Variants in HHIPL2 observed in about 807,000 individuals in gnomAD.
HHIPL2 encodes HHIP like 2.
Under a neutral mutation model 61.0 loss-of-function variants are expected in HHIPL2, and 61 were observed. The ratio of observed to expected loss-of-function variants is 1.00; its 90% CI spans 0.81 to 1.24. The LOEUF is 1.24. Ranked by LOEUF, HHIPL2 falls within the 50% of genes most tolerant of loss-of-function variation. The pLI is 0.00. For missense variants in HHIPL2, 885 were observed against 910.2 expected (o/e 0.97, Z 0.36); for synonymous variants, 343 against 357.4 (o/e 0.96, Z 0.45).
intron 5 of HHIPL2, among the ~76,000 whole-genome samples, chr1:222,537,409 G>A (rs528199763): frequency 3.3e-5 from 5 of 150,480 alleles, no homozygotes; most frequent in East Asian, 3.9e-4. Flanking sequence ...TGAGATTAAC[G>A]TAGAGCAATA....
At chr1:222,526,509 C>T (rs929428014) in intron 7 of HHIPL2, among the ~76,000 whole-genome samples, 1 of 151,848 alleles carries the variant, frequency 6.6e-6, no homozygotes, top group Admixed American at 6.6e-5. Flanking sequence ...AGTTCAAGAC[C>T]AGCCTGACCA....
intron 3 of HHIPL2, among the ~76,000 whole-genome samples, chr1:222,540,986 C>T (rs917727462): frequency 2.5e-4 from 38 of 152,132 alleles, no homozygotes; most frequent in African/African-American, 8.9e-4. Flanking sequence ...CCTGTAATCC[C>T]ACATTTTGGG....
rs1658974367 is a variant in HHIPL2, at chr1:222,522,533, A to C, written c.*68T>G. 1.3e-6 allele frequency: 2 copies of C among 1,524,764 alleles called. No individual in the cohort carries two copies. Among genetic ancestry groups the C allele is most frequent in the Admixed American group, 3.6e-5 (2 of 55,410 alleles). The allele number at this position is 1,524,764 out of a possible 1,614,324, so 94.5% of individuals were successfully genotyped here. On this transcript the variant is annotated 3_prime_UTR_variant, in exon 9 of 9. Coordinates refer to ENST00000343410, the MANE Select transcript of HHIPL2 (RefSeq NM_024746.4). ...CAGACTTCTAAGGTCTTTATTCAGCAGTGACTTTCATTTGATGAGGTGGCT... is the reference window on the plus strand; with the variant it reads ...CAGACTTCTAAGGTCTTTATTCAGCCGTGACTTTCATTTGATGAGGTGGCT...
chr1:222,525,541 C>A lies in HHIPL2; in HGVS notation c.1805+1428G>T, dbSNP rs117847463. On this transcript the variant is annotated intron_variant, in intron 7 of 8. Coordinates refer to ENST00000343410, the MANE Select transcript of HHIPL2 (RefSeq NM_024746.4). ...ACAAGCTCAGATAGAGCTGGCCCCCCCAAGCCCTAACCAGTGGCTGGACCT... is the reference window on the plus strand; with the variant it reads ...ACAAGCTCAGATAGAGCTGGCCCCCACAAGCCCTAACCAGTGGCTGGACCT... Among the ~76,000 whole-genome samples, 952 of 152,296 alleles carry A rather than the reference C, an allele frequency of 6.3e-3. 22 individuals are homozygous for A. The East Asian group carries it at 0.089, about 14-fold the overall frequency.
Position 222,548,009 on chromosome 1 carries a change from A to AC in HHIPL2, c.35dup (p.Leu13SerfsTer47). On this transcript the variant is annotated frameshift_variant, in exon 1 of 9. Coordinates refer to ENST00000343410, the MANE Select transcript of HHIPL2 (RefSeq NM_024746.4). LOFTEE classifies it high-confidence loss of function. ...AGAGCCAGGGGGCCCGGCAATGCAG[A>AC]CCACCACACAGATTAGGAGTGGACG... 5.0e-6 allele frequency: 8 copies of AC among 1,596,936 alleles called. No homozygotes were observed. The highest frequency in any genetic ancestry group is 6.8e-6 in the Non-Finnish European group (8 of 1,170,538).
At chr1:222,532,758 T>C (rs981007597) in intron 5 of HHIPL2, among the ~76,000 whole-genome samples, 1 of 152,170 alleles carries the variant, frequency 6.6e-6, no homozygotes, top group Non-Finnish European at 1.5e-5. Flanking sequence ...TGGGGAGTGA[T>C]AACATACTTT....
intron 1 of HHIPL2, 61 bp downstream of exon 1, chr1:222,547,662 CA>C: frequency 1.4e-6 from 2 of 1,441,930 alleles, no homozygotes; most frequent in South Asian, 2.5e-5. Flanking sequence ...ACCCTCCGCT[CA>C]GGACCCACAC....
intron 2 of HHIPL2, among the ~76,000 whole-genome samples, chr1:222,542,501 C>T (rs377368552): frequency 1.1e-3 from 153 of 144,674 alleles, no homozygotes; most frequent in African/African-American, 3.8e-3. Context: ...TCCCGAGTAG[C>T]TGGGATTACC....
At chr1:222,537,076 C>A (rs1452064001) in intron 5 of HHIPL2, among the ~76,000 whole-genome samples, 1 of 151,906 alleles carries the variant, frequency 6.6e-6, no homozygotes, top group Non-Finnish European at 1.5e-5. Flanking sequence ...GCATTATGAC[C>A]AAGTGGTATT....
chr1:222,547,944 C>A lies in HHIPL2; in HGVS notation c.101G>T (p.Gly34Val), dbSNP rs1325591733. 6.2e-7 allele frequency: 1 copy of A among 1,612,728 alleles called. No homozygotes were observed. The highest frequency in any genetic ancestry group is 1.3e-5 in the African/African-American group (1 of 74,864). The change falls in exon 1 of 9, where the codon GGC (glycine) becomes GTC (valine). Residue 34 changes from glycine to valine, a missense_variant. Gly to Val is a moderately radical substitution (Grantham distance 109). Transcript: ENST00000343410. The part of the protein sequence containing the change: ...ILCLCLIFLL[G>V]QVGLLQGHPQ... ...GTGTCCCTGCAGCAAGCCCACCTGG[C>A]CCAACAAGAATATGAGGCAGAGGCA...
intron 3 of HHIPL2, 25 bp from the exon 4 acceptor site, chr1:222,540,366 A>C: frequency 6.4e-7 from 1 of 1,574,070 alleles, no homozygotes; most frequent in Non-Finnish European, 8.6e-7. Context: ...GCCAAGAAGC[A>C]GAATGAGGTA....
intron 4 of HHIPL2, chr1:222,539,021 A>G (rs1659366683): frequency 1.1e-5 from 5 of 464,148 alleles, no homozygotes; most frequent in Admixed American, 3.8e-5. Flanking sequence ...CCCTCCATCT[A>G]TGAGGCAGTG....
intron 7 of HHIPL2, among the ~76,000 whole-genome samples, chr1:222,524,589 A>G (rs578075403): frequency 1.3e-5 from 2 of 152,362 alleles, no homozygotes; most frequent in African/African-American, 4.8e-5. Context: ...CCAAGGCCAC[A>G]TAGTTAGTCA....
intron 8 of HHIPL2, among the ~76,000 whole-genome samples, chr1:222,523,324 G>C (rs575165806): frequency 6.6e-6 from 1 of 152,236 alleles, no homozygotes; most frequent in Admixed American, 6.5e-5. Flanking sequence ...CATAGTTCCT[G>C]CCACAAAGTA....
intron 2 of HHIPL2, 78 bp from the exon 3 acceptor site, chr1:222,542,233 A>C: frequency 6.6e-7 from 1 of 1,524,408 alleles, no homozygotes; most frequent in Non-Finnish European, 8.8e-7. Flanking sequence ...CCCAGAAATG[A>C]CTGGGCCAAG....
At chr1:222,533,364 C>CAA (rs11432197) in intron 5 of HHIPL2, among the ~76,000 whole-genome samples, 15,783 of 127,802 alleles carry the variant, frequency 0.12, 1,065 homozygotes, top group African/African-American at 0.23. Flanking sequence ...GACTCTGTCT[C>CAA]AAAAAAAAAA....
chr1:222,531,034 AT>A, intron 6 of HHIPL2, among the ~76,000 whole-genome samples: 1 of 152,310 alleles, frequency 6.6e-6, no homozygotes, highest in East Asian at 1.9e-4. Context: ...TTGGAAATGT[AT>A]TAGAGCTGAG....
intron 6 of HHIPL2, among the ~76,000 whole-genome samples, chr1:222,531,694 G>C (rs1659194963): frequency 6.6e-6 from 1 of 152,138 alleles, no homozygotes; most frequent in Non-Finnish European, 1.5e-5. Context: ...GTTGCAGTAA[G>C]CCGAGATGGC....
At chr1:222,539,866 G>C (rs35746652) in intron 4 of HHIPL2, 144 bp downstream of exon 4, 2 of 663,098 alleles carry the variant, frequency 3.0e-6, no homozygotes, top group South Asian at 3.8e-5. Context: ...CTGGAGGACC[G>C]GTTGGAGAAG....
Sources: allele counts gnomAD v4.1 joint callset (sites outside exome capture counted in the v4.1 genomes callset), GRCh38; gene constraint gnomAD v4.1.1; transcripts MANE v1.5; gene names NCBI Gene and HGNC (gene_info 2026-07-23, HGNC 2026-07-21).